RRP12: variants seen among roughly 807,000 people sequenced by gnomAD.
RRP12 encodes RRP12-like protein.
RRP12 carries 78 observed loss-of-function variants against 157.3 expected under a neutral mutation model. The ratio of observed to expected loss-of-function variants is 0.50; its 90% CI spans 0.41 to 0.60. The LOEUF is 0.60. Among genes scored for constraint, RRP12 ranks in the 20% least tolerant of loss-of-function variants. RRP12 has a pLI of 0.00. For synonymous variants in RRP12, 726 were observed against 670.9 expected (o/e 1.08, Z -1.27); for missense variants, 1,521 against 1,679.9 (o/e 0.91, Z 1.65).
At chr10:97,361,811 C>T (rs1049977719) in intron 30 of RRP12, among the ~76,000 whole-genome samples, 2 of 152,094 alleles carry the variant, frequency 1.3e-5, no homozygotes, top group Non-Finnish European at 2.9e-5. Flanking sequence ...AATGGTTGGC[C>T]GAGGAGTTAG....
rs181609289 is a variant in RRP12, at chr10:97,383,708, G to A, written c.1208+1458C>T. On this transcript the variant is annotated intron_variant, in intron 10 of 33. Transcript: ENST00000370992. ...GTATGCAGACACAAAGCAGAAAGTC[G>A]GTTCACGGGACTACGGAACCTGGAG... is the stretch of plus-strand genomic sequence containing the variant. Among the ~76,000 whole-genome samples, 220 of 152,324 alleles carry A rather than the reference G, an allele frequency of 1.4e-3. 1 individual carries two copies. The highest frequency in any genetic ancestry group is 2.9e-3 in the African/African-American group (121 of 41,576).
At chr10:97,396,411 A>C in intron 2 of RRP12, 110 bp from the exon 3 acceptor site, 2 of 838,516 alleles carry the variant, frequency 2.4e-6, no homozygotes, top group Admixed American at 4.0e-5. Context: ...GCCCAGAGAC[A>C]GACAAGACAG....
Position 97,372,729 on chromosome 10 carries a change from A to G in RRP12, c.2249+7T>C, listed in dbSNP as rs1006119903. ...CCAGCTCAAGTGGGAGGCCCTGAGC[A>G]TGTTACCTGGTAAAGTCAGAGCTGG... On this transcript the variant is annotated splice_region_variant and intron_variant, in intron 19 of 33. Coordinates refer to ENST00000370992, the MANE Select transcript of RRP12 (RefSeq NM_015179.4). The G allele has an allele frequency of 5.1e-6, 8 of 1,556,596 alleles. No homozygotes were observed. The African/African-American group carries it at 9.6e-5, about 19-fold the overall frequency.
chr10:97,367,817 C>T (rs1844032189), intron 25 of RRP12, among the ~76,000 whole-genome samples: 1 of 152,124 alleles, frequency 6.6e-6, no homozygotes, highest in African/African-American at 2.4e-5. Context: ...CTGCAACCTC[C>T]ACCTCCTGGG....
chr10:97,370,335 G>C, intron 23 of RRP12, 61 bp from the exon 24 acceptor site: 2 of 1,415,842 alleles, frequency 1.4e-6, no homozygotes, highest in Non-Finnish European at 9.8e-7. Context: ...GGGGCTGAGG[G>C]CCAGAGAGGA....
In RRP12 at chr10:97,388,245, AG is replaced by A. The variant is rs753356129; in HGVS notation, c.1017+6del. The A allele has an allele frequency of 6.2e-7, 1 of 1,613,652 alleles. No homozygotes were observed. Among genetic ancestry groups the A allele is most frequent in the Non-Finnish European group, 8.5e-7 (1 of 1,180,004 alleles). On this transcript the variant is annotated splice_donor_region_variant and intron_variant, in intron 8 of 33. Transcript: ENST00000370992. ...CCCCTTTCTCCAGCTTTTGGGCCTG[AG>A]CTCACCACATGGCTCAAGGTCATGA...
chr10:97,370,965 T>C lies in RRP12; in HGVS notation c.2460A>G (p.Thr820=), dbSNP rs762261822. Residue 820 remains threonine (T), a synonymous_variant, in exon 21 of 34, where the codon ACA becomes ACG. Transcript: ENST00000370992. ...VQSHLEDLKK[T]LLDSLRSTSS... ...AGGTGCTCCGCAGCGAGTCCAGCAG[T>C]GTCTTCTTCAGGTCCTCCAGGTGGC... 2.5e-6 allele frequency: 4 copies of C among 1,613,994 alleles called. No homozygotes were observed. Among genetic ancestry groups the C allele is most frequent in the African/African-American group, 2.7e-5 (2 of 75,014 alleles).
intron 3 of RRP12, 64 bp from the exon 4 acceptor site, chr10:97,393,824 G>C: frequency 1.5e-6 from 2 of 1,357,232 alleles, no homozygotes. Flanking sequence ...AGGAAAGAGA[G>C]TGGGGGAACA....
intron 8 of RRP12, among the ~76,000 whole-genome samples, chr10:97,386,351 G>A (rs1476653855): frequency 1.3e-5 from 2 of 149,450 alleles, no homozygotes; most frequent in Non-Finnish European, 3.0e-5. Flanking sequence ...CACTGTGCCT[G>A]GCCAATTTTT....
chr10:97,395,072 G>C (rs1305498372), intron 3 of RRP12, among the ~76,000 whole-genome samples: 2 of 152,072 alleles, frequency 1.3e-5, no homozygotes. Context: ...GAACACAGGA[G>C]GTGGAGGTTG....
chr10:97,370,614 C>T (rs974498425), intron 22 of RRP12, 54 bp from the exon 23 acceptor site: 12 of 1,584,188 alleles, frequency 7.6e-6, no homozygotes, highest in African/African-American at 4.0e-5. Context: ...GCCCGGGAAG[C>T]GAATCGAGTC....
In RRP12 at chr10:97,366,873, G is replaced by A; in HGVS notation, c.3084C>T (p.Tyr1028=). 1 of 1,614,104 alleles carries A rather than the reference G, an allele frequency of 6.2e-7. No individual in the cohort carries two copies. Among genetic ancestry groups the A allele is most frequent in the Non-Finnish European group, 8.5e-7 (1 of 1,180,010 alleles). Residue 1028 remains tyrosine (Y), a synonymous_variant, in exon 27 of 34, where the codon TAC becomes TAT. Coordinates refer to ENST00000370992, the MANE Select transcript of RRP12 (RefSeq NM_015179.4). Reference sequence around the variant, plus strand: ...TCCGGATGTTGACCAGGACTCTGTGGTACTCCTCGGGCAACAGCCTTTTCA... The same window carrying A: ...TCCGGATGTTGACCAGGACTCTGTGATACTCCTCGGGCAACAGCCTTTTCA... ...ELVKRLLPEE[Y]HRVLVNIRKA... is the part of the protein sequence containing the mutation.
rs758615108 is a variant in RRP12, at chr10:97,379,643, T to C, written c.1661A>G (p.Glu554Gly). ...PEVVLQAVPL[E>G]IDGSEETLDF... ...CCACACTTACTCAGAGCCATCAATT[T>C]CCAAAGGCACAGCCTGCAGCACCAC... is the stretch of plus-strand genomic sequence containing the variant. Residue 554 changes from glutamate (E) to glycine (G), a missense_variant, in exon 14 of 34, where the codon GAA becomes GGA. Coordinates refer to ENST00000370992, the MANE Select transcript of RRP12 (RefSeq NM_015179.4). The C allele has an allele frequency of 1.2e-6, 2 of 1,613,984 alleles. No homozygotes were observed. Among genetic ancestry groups the C allele is most frequent in the East Asian group, 2.2e-5 (1 of 44,884 alleles).
At chr10:97,390,322 G>A in intron 6 of RRP12, 101 bp downstream of exon 6, 1 of 877,900 alleles carries the variant, frequency 1.1e-6, no homozygotes, top group Non-Finnish European at 1.9e-6. Flanking sequence ...CAGTACTCAG[G>A]GCAAGCTCCC....
intron 29 of RRP12, 29 bp from the exon 30 acceptor site, chr10:97,363,932 C>T (rs772949417): frequency 6.8e-6 from 11 of 1,609,136 alleles, no homozygotes; most frequent in Middle Eastern, 3.3e-4. Flanking sequence ...GGCCCATGAG[C>T]GCTGTGGGAG....
Position 97,366,893 on chromosome 10 carries a change from T to A in RRP12, c.3064A>T (p.Arg1022Trp), listed in dbSNP as rs928387978. ...IRKFGFELVK[R>W]LLPEEYHRVL... ...CTGTGGTACTCCTCGGGCAACAGCC[T>A]TTTCACCAGCTCAAATCTGGAGGTG... Residue 1022 changes from arginine to tryptophan, a missense_variant, in exon 27 of 34, where the codon AGG (arginine) becomes TGG (tryptophan). Physicochemically the swap from Arg to Trp is moderately radical, Grantham distance 101. Coordinates refer to ENST00000370992, the MANE Select transcript of RRP12 (RefSeq NM_015179.4). The A allele has an allele frequency of 6.2e-7, 1 of 1,613,438 alleles. No individual in the cohort carries two copies. Among genetic ancestry groups the A allele is most frequent in the African/African-American group, 1.3e-5 (1 of 74,896 alleles).
At chr10:97,393,564 A>G (rs1844870383) in intron 4 of RRP12, 120 bp downstream of exon 4, 1 of 834,468 alleles carries the variant, frequency 1.2e-6, no homozygotes, top group Admixed American at 2.0e-5. Context: ...GCCTCTAGAC[A>G]ATGTTCATGA....
intron 26 of RRP12, 33 bp from the exon 27 acceptor site, chr10:97,366,942 A>G (rs1365291727): frequency 1.9e-6 from 3 of 1,610,108 alleles, no homozygotes; most frequent in Non-Finnish European, 2.5e-6. Flanking sequence ...GGTGAGAGGC[A>G]CTGGCCAGAC....
Position 97,360,579 on chromosome 10 carries a change from C to G in RRP12, c.3607G>C (p.Glu1203Gln). The change falls in exon 31 of 34, where the codon GAG becomes CAG. Residue 1203 changes from glutamate (E) to glutamine (Q), a missense_variant. Transcript: ENST00000370992. Reference sequence around the variant, plus strand: ...TGAGGGGGTATCTCCAGCTCCTCCTCCTCAGCCTCTTTCTGGTGCTTGAGC... The same window carrying G: ...TGAGGGGGTATCTCCAGCTCCTCCTGCTCAGCCTCTTTCTGGTGCTTGAGC... ...QKLKHQKEAEEEELEIPPQYQ... is the reference protein window; with the variant it reads ...QKLKHQKEAEQEELEIPPQYQ... 3 of 1,614,054 alleles carry G rather than the reference C, an allele frequency of 1.9e-6. No homozygotes were observed. The highest frequency in any genetic ancestry group is 2.5e-6 in the Non-Finnish European group (3 of 1,179,952).
Sources: gnomAD v4.1 joint callset for allele counts (sites outside exome capture counted in the v4.1 genomes callset) on GRCh38, gnomAD v4.1.1 for gene constraint, MANE v1.5 for transcripts, NCBI Gene and HGNC (gene_info 2026-07-23, HGNC 2026-07-21) for gene names.